SMC4: variants seen among roughly 807,000 people sequenced by gnomAD.
The protein encoded by SMC4 is structural maintenance of chromosomes protein 4.
SMC4 carries 87 observed loss-of-function variants against 145.6 expected under a neutral mutation model. That is an observed-to-expected ratio of 0.60 (90% CI 0.50 to 0.71). The LOEUF is 0.71. SMC4 is among the 30% of genes least tolerant of loss of function. The pLI, the probability that SMC4 is intolerant of heterozygous loss-of-function variation, is 0.00. For synonymous variants in SMC4, 558 were observed against 500.7 expected, an observed-to-expected ratio of 1.11 and a Z score of -1.53; for missense variants, 1,447 against 1,537.1, an observed-to-expected ratio of 0.94 and a Z score of 0.98.
At chr3:160,415,383 T>A (rs1716475080) in intron 9 of SMC4, among the ~76,000 whole-genome samples, 1 of 152,170 alleles carries the variant, frequency 6.6e-6, no homozygotes, top group Admixed American at 6.5e-5. Context: ...ATAGGAAAGC[T>A]CATAATTTGG....
Position 160,419,460 on chromosome 3 carries a change from A to G in SMC4, c.1774A>G (p.Met592Val), listed in dbSNP as rs762881980. The G allele has an allele frequency of 3.7e-6, 6 of 1,612,176 alleles. No individual in the cohort carries two copies. Among genetic ancestry groups the G allele is most frequent in the African/African-American group, 2.7e-5 (2 of 74,902 alleles). Residue 592 changes from methionine (M) to valine (V), a missense_variant, in exon 12 of 24, where the codon ATG (methionine) becomes GTG (valine). Met to Val is a conservative substitution (Grantham distance 21). Coordinates refer to ENST00000357388, the MANE Select transcript of SMC4 (RefSeq NM_001002800.3). ...KVEEAKSSLA[M>V]NRSRGKVLDA... is the part of the protein sequence containing the mutation. ...TGAAGAAGCAAAGAGCTCATTAGCA[A>G]TGAATCGAAGTAGGGGGAAAGTCCT...
At chr3:160,431,527 A>G (rs1671199454) in intron 20 of SMC4, 116 bp from the exon 21 acceptor site, 1 of 800,342 alleles carries the variant, frequency 1.2e-6, no homozygotes, top group Non-Finnish European at 2.0e-6. Flanking sequence ...TAATTGATAA[A>G]TCAGTCACAA....
chr3:160,431,610 C>T, intron 20 of SMC4, 33 bp from the exon 21 acceptor site: 4 of 1,477,730 alleles, frequency 2.7e-6, no homozygotes, highest in South Asian at 1.3e-5. Context: ...AATATTATGC[C>T]TTCTCTAACT....
At position 160,434,024 on chromosome 3, in the gene SMC4, T is replaced by C. The variant is rs1034832790; in HGVS notation, c.*215T>C. ...TGACAATCTTGTAAGTAGCAGACTA[T>C]GGAGAAAAATGAGTTACCTGGAGGG... On this transcript the variant is annotated 3_prime_UTR_variant, in exon 24 of 24. Coordinates refer to ENST00000357388, the MANE Select transcript of SMC4 (RefSeq NM_001002800.3). The C allele has an allele frequency of 2.2e-5, 8 of 365,166 alleles. No homozygotes were observed. The highest frequency in any genetic ancestry group is 3.4e-5 in the Non-Finnish European group (7 of 204,754). The allele number at this position is 365,166 out of a possible 1,614,324, so 22.6% of individuals were successfully genotyped here. A position where few individuals can be genotyped will look rare whatever the true frequency, so the allele number is the denominator to read the frequency against.
intron 15 of SMC4, among the ~76,000 whole-genome samples, 175 bp downstream of exon 15, chr3:160,424,015 A>G (rs76787761): frequency 0.04 from 6,083 of 152,294 alleles, 160 homozygotes; most frequent in Non-Finnish European, 0.061. Flanking sequence ...AAGTTTTAGA[A>G]AACAAAATAT....
Position 160,412,035 on chromosome 3 carries a change from A to G in SMC4, c.803A>G (p.Lys268Arg). The change falls in exon 6 of 24, where the codon AAA (lysine) becomes AGA (arginine). Residue 268 changes from lysine (K) to arginine (R), a missense_variant. Physicochemically the swap from Lys to Arg is conservative, Grantham distance 26. Coordinates refer to ENST00000357388, the MANE Select transcript of SMC4 (RefSeq NM_001002800.3). Reference protein sequence around the residue: ...IGCGRLNEPIKVLCRRVEILN... With the variant: ...IGCGRLNEPIRVLCRRVEILN... ...TGTGGACGGCTAAATGAACCTATTA[A>G]AGTCTTGTGTCGGAGAGTTGAAATA... 3 of 1,613,660 alleles carry G rather than the reference A, an allele frequency of 1.9e-6. No individual in the cohort carries two copies. The highest frequency in any genetic ancestry group is 2.5e-6 in the Non-Finnish European group (3 of 1,179,770).
intron 13 of SMC4, among the ~76,000 whole-genome samples, chr3:160,422,616 A>G (rs1717300892): frequency 6.6e-6 from 1 of 152,130 alleles, no homozygotes; most frequent in Non-Finnish European, 1.5e-5. Flanking sequence ...ATTTTACCCC[A>G]TTCCTTGGAT....
chr3:160,405,639 T>C (rs1329177685), intron 5 of SMC4, among the ~76,000 whole-genome samples: 4 of 152,070 alleles, frequency 2.6e-5, no homozygotes, highest in African/African-American at 4.8e-5. Context: ...TAATATCTTT[T>C]GTTACCAGGC....
chr3:160,400,800 C>G (rs759422052), intron 1 of SMC4, 22 bp from the exon 2 acceptor site: 3 of 1,495,798 alleles, frequency 2.0e-6, no homozygotes, highest in South Asian at 1.3e-5. Context: ...CTGACTTGCT[C>G]CCGGCTGTCC....
rs1352246181 is a variant in SMC4 at position 160,430,675 on chromosome 3, C to G, written c.2872C>G (p.Leu958Val). Reference protein sequence around the residue: ...IKDTEKEVDDLTAELKSLEDK... With the variant: ...IKDTEKEVDDVTAELKSLEDK... ...AGATACTGAGAAAGAGGTGGATGAC[C>G]TAACAGCAGAGCTGAAAAGTCTTGA... is the stretch of plus-strand genomic sequence containing the variant. The change falls in exon 19 of 24, where the codon CTA (leucine) becomes GTA (valine). Residue 958 changes from leucine to valine, a missense_variant. Transcript: ENST00000357388. 11 of 1,613,608 alleles carry G rather than the reference C, an allele frequency of 6.8e-6. No individual in the cohort carries two copies. The highest frequency in any genetic ancestry group is 9.3e-6 in the Non-Finnish European group (11 of 1,179,792).
intron 2 of SMC4, among the ~76,000 whole-genome samples, chr3:160,401,554 AG>A (rs1477362425): frequency 6.6e-6 from 1 of 152,202 alleles, no homozygotes; most frequent in East Asian, 1.9e-4. Context: ...CTAGAGCCTT[AG>A]GATTTAACCT....
chr3:160,424,640 C>G (rs2108492539), intron 15 of SMC4, among the ~76,000 whole-genome samples: 1 of 152,278 alleles, frequency 6.6e-6, no homozygotes, highest in Middle Eastern at 3.4e-3. Context: ...AACCACGTCT[C>G]TACTAAAAAC....
At position 160,431,099 on chromosome 3, in the gene SMC4, A is replaced by G; in HGVS notation, c.3008A>G (p.Asn1003Ser). Reference protein sequence around the residue: ...LLQELKVIQENEHALQKDALS... With the variant: ...LLQELKVIQESEHALQKDALS... ...CAAGAATTAAAAGTTATTCAAGAAAATGAACATGCTCTTCAAAAAGATGCA... is the reference window on the plus strand; with the variant it reads ...CAAGAATTAAAAGTTATTCAAGAAAGTGAACATGCTCTTCAAAAAGATGCA... The change falls in exon 20 of 24, where the codon AAT becomes AGT. Residue 1003 changes from asparagine to serine, a missense_variant. Transcript: ENST00000357388. 6.2e-7 allele frequency: 1 copy of G among 1,609,042 alleles called. No homozygotes were observed. Among genetic ancestry groups the G allele is most frequent in the Non-Finnish European group, 8.5e-7 (1 of 1,178,636 alleles).
chr3:160,407,513 A>G (rs966544978), intron 5 of SMC4, among the ~76,000 whole-genome samples: 8 of 152,192 alleles, frequency 5.3e-5, no homozygotes, highest in Admixed American at 1.3e-4. Flanking sequence ...ACATCGTACC[A>G]CTGCACTCCA....
At chr3:160,420,632 A>T in intron 12 of SMC4, 108 bp from the exon 13 acceptor site, 3 of 1,123,870 alleles carry the variant, frequency 2.7e-6, no homozygotes, top group Non-Finnish European at 3.9e-6. Flanking sequence ...CTTTAAAACC[A>T]TGTCTACATA....
intron 13 of SMC4, among the ~76,000 whole-genome samples, chr3:160,422,039 G>A (rs775268496): frequency 2.0e-4 from 30 of 152,144 alleles, no homozygotes; most frequent in Non-Finnish European, 3.8e-4. Flanking sequence ...GCATGTATCA[G>A]TACTTCATTC....
At chr3:160,428,346 G>A (rs1220207936) in intron 17 of SMC4, among the ~76,000 whole-genome samples, 3 of 152,182 alleles carry the variant, frequency 2.0e-5, no homozygotes, top group Admixed American at 6.5e-5. Flanking sequence ...GGAGAACTGC[G>A]AAGTTATGTT....
Position 160,431,755 on chromosome 3 carries a change from T to C in SMC4, c.3227T>C (p.Ile1076Thr), listed in dbSNP as rs1718431229. The change falls in exon 21 of 24, where the codon ATT (isoleucine) becomes ACT (threonine). Residue 1076 changes from isoleucine (I) to threonine (T), a missense_variant. Ile to Thr is a moderately conservative substitution (Grantham distance 89). Coordinates refer to ENST00000357388, the MANE Select transcript of SMC4 (RefSeq NM_001002800.3). ...IKNPDSITNQ[I>T]ALLEARCHEM... Reference sequence around the variant, plus strand: ...AATCCAGATTCTATAACAAATCAAATTGCACTTTTGGAAGCCCGGTGTCAT... The same window carrying C: ...AATCCAGATTCTATAACAAATCAAACTGCACTTTTGGAAGCCCGGTGTCAT... 2.5e-6 allele frequency: 4 copies of C among 1,613,858 alleles called. No individual in the cohort carries two copies. Among genetic ancestry groups the C allele is most frequent in the Non-Finnish European group, 3.4e-6 (4 of 1,179,950 alleles).
At chr3:160,431,541 CTGT>C (rs1433729935) in intron 20 of SMC4, 99 bp from the exon 21 acceptor site, 5 of 893,438 alleles carry the variant, frequency 5.6e-6, no homozygotes, top group Non-Finnish European at 8.5e-6. Flanking sequence ...GTCACAACTC[CTGT>C]TGTTTTCATA....
Sources: allele counts gnomAD v4.1 joint callset (sites outside exome capture counted in the v4.1 genomes callset), GRCh38; gene constraint gnomAD v4.1.1; transcripts MANE v1.5; gene names NCBI Gene and HGNC (gene_info 2026-07-23, HGNC 2026-07-21).